RAB11FIP2: variants seen among roughly 807,000 people sequenced by gnomAD.
RAB11FIP2 encodes RAB11 family interacting protein 2, also known as rab11 family-interacting protein 2.
A neutral mutation model predicts 40.9 loss-of-function variants in RAB11FIP2; 16 were observed. The observed-to-expected ratio is 0.39, with a 90% CI of 0.26 to 0.59. The LOEUF is 0.59. RAB11FIP2 is among the 20% of genes least tolerant of loss of function. RAB11FIP2 has a pLI of 0.53. For missense variants in RAB11FIP2, 532 were observed against 606.2 expected (o/e 0.88, Z 1.28); for synonymous variants, 228 against 213.7 (o/e 1.07, Z -0.58).
At chr10:118,024,470 CGTGTGT>C (rs55723398) in intron 3 of RAB11FIP2, among the ~76,000 whole-genome samples, 1,415 of 131,782 alleles carry the variant, frequency 0.011, 12 homozygotes, top group African/African-American at 0.019. Context: ...TCATCATCAT[CGTGTGT>C]GTGTGTGTGT....
intron 3 of RAB11FIP2, among the ~76,000 whole-genome samples, chr10:118,023,372 G>A (rs910097503): frequency 6.6e-6 from 1 of 152,060 alleles, no homozygotes; most frequent in Non-Finnish European, 1.5e-5. Context: ...GCCTTAAGAG[G>A]CAAGACGAAA....
chr10:118,043,082 G>A lies in RAB11FIP2; in HGVS notation c.354-2517C>T, dbSNP rs149541534. On this transcript the variant is annotated intron_variant, in intron 1 of 4. Transcript: ENST00000355624. Reference sequence around the variant, plus strand: ...GGAGTACTGGATTTAAACTGTACATGGCCTCTGTTCAATTTTTAGTGGGCA... The same window carrying A: ...GGAGTACTGGATTTAAACTGTACATAGCCTCTGTTCAATTTTTAGTGGGCA... Among the ~76,000 whole-genome samples, 3 of 152,016 alleles carry A rather than the reference G, an allele frequency of 2.0e-5. No individual in the cohort carries two copies. In the East Asian group the frequency reaches 5.8e-4, roughly 29 times the overall value.
chr10:118,040,464 A>G lies in RAB11FIP2; in HGVS notation c.455T>C (p.Phe152Ser), dbSNP rs779630764. 1 of 1,613,244 alleles carries G rather than the reference A, an allele frequency of 6.2e-7. No individual in the cohort carries two copies. Among genetic ancestry groups the G allele is most frequent in the Admixed American group, 1.7e-5 (1 of 59,962 alleles). Residue 152 changes from phenylalanine (F) to serine (S), a missense_variant, in exon 2 of 5, where the codon TTT becomes TCT. Coordinates refer to ENST00000355624, the MANE Select transcript of RAB11FIP2 (RefSeq NM_014904.3). ...FMRNNMTASM[F>S]DLSMKDKTRS... ...GGTTTTGTCCTTCATTGATAAGTCA[A>G]ACATACTTGCGGTCATATTGTTCCT...
intron 3 of RAB11FIP2, among the ~76,000 whole-genome samples, chr10:118,029,914 TA>T (rs1589644365): frequency 6.6e-6 from 1 of 152,116 alleles, no homozygotes; most frequent in Admixed American, 6.5e-5. Flanking sequence ...GAAGGTAGCA[TA>T]GGGGCATGAC....
chr10:118,020,443 C>G (rs1846270009), intron 3 of RAB11FIP2, among the ~76,000 whole-genome samples: 1 of 152,252 alleles, frequency 6.6e-6, no homozygotes, highest in African/African-American at 2.4e-5. Flanking sequence ...CTGCTCCACT[C>G]TGACCCTCAC....
rs923224506 is a variant in RAB11FIP2, at chr10:118,046,911, T to G, written c.-748A>C. On this transcript the variant is annotated 5_prime_UTR_variant, in exon 1 of 5. Coordinates refer to ENST00000355624, the MANE Select transcript of RAB11FIP2 (RefSeq NM_014904.3). ...GGGCGGCTGCGGCGGCACTTCCGGG[T>G]TGGCCTTCTCCATGTTGGTCTCGGG... 8 of 153,404 alleles carry G rather than the reference T, an allele frequency of 5.2e-5. No individual in the cohort carries two copies. The highest frequency in any genetic ancestry group is 1.9e-4 in the African/African-American group (8 of 41,400). The allele number at this position is 153,404 out of a possible 1,614,324, so 9.5% of individuals were successfully genotyped here.
chr10:118,033,908 C>T (rs1300800846), intron 3 of RAB11FIP2: 1 of 698,958 alleles, frequency 1.4e-6, no homozygotes, highest in Non-Finnish European at 2.6e-6. Context: ...ATCATTTGGA[C>T]AAGGGCCACT....
rs1846624398 is a variant in RAB11FIP2 at position 118,045,885 on chromosome 10, A to G, written c.279T>C (p.Gly93=). The part of the protein sequence containing the change: ...FLIVMHRSLV[G]LDKFLGQVAI... ...CCACCTGCCCTAAAAATTTATCCAG[A>G]CCCACCAGGGACCTGTGCATAACTA... Residue 93 remains glycine (G), a synonymous_variant, in exon 1 of 5, where the codon GGT becomes GGC. Transcript: ENST00000355624. The G allele has an allele frequency of 6.2e-7, 1 of 1,614,054 alleles. No homozygotes were observed. Among genetic ancestry groups the G allele is most frequent in the Non-Finnish European group, 8.5e-7 (1 of 1,180,020 alleles).
At position 118,020,208 on chromosome 10, in the gene RAB11FIP2, C is replaced by CT. The variant is rs147130472; in HGVS notation, c.1266-5099dup. Among the ~76,000 whole-genome samples the CT allele has an allele frequency of 4.9e-3, 743 of 152,250 alleles. 3 individuals carry two copies. Among genetic ancestry groups the CT allele is most frequent in the African/African-American group, 0.017 (690 of 41,536 alleles). The stretch of plus-strand genomic sequence containing the variant: ...GCAGCCCCACTCCACAGTCCAAACT[C>CT]TTTAGTCATAAACTCTGCTTCTTCC... On this transcript the variant is annotated intron_variant, in intron 3 of 4. Coordinates refer to ENST00000355624, the MANE Select transcript of RAB11FIP2 (RefSeq NM_014904.3).
At chr10:118,009,966 C>T (rs191032716) in intron 4 of RAB11FIP2, among the ~76,000 whole-genome samples, 9 of 152,246 alleles carry the variant, frequency 5.9e-5, no homozygotes, top group African/African-American at 2.2e-4. Flanking sequence ...CCCATTTCAT[C>T]TATTTACTTA....
chr10:118,019,751 G>A (rs768084888), intron 3 of RAB11FIP2, among the ~76,000 whole-genome samples: 8 of 151,794 alleles, frequency 5.3e-5, no homozygotes, highest in Non-Finnish European at 8.8e-5. Context: ...GCATGAACCC[G>A]GGAGGCAGAG....
At position 118,005,876 on chromosome 10, in the gene RAB11FIP2, A is replaced by G. The variant is rs962386243; in HGVS notation, c.*3122T>C. ...CAAGAAGAAAACAAGTCTGTCACTA[A>G]TGAGCTTAGTTTTACTTAGGTTTCC... On this transcript the variant is annotated 3_prime_UTR_variant, in exon 5 of 5. Transcript: ENST00000355624. 7.2e-5 allele frequency: 11 copies of G among 152,594 alleles called. No homozygotes were observed. The highest frequency in any genetic ancestry group is 3.3e-4 in the Admixed American group (5 of 15,274). The allele number at this position is 152,594 out of a possible 1,614,324, so 9.5% of individuals were successfully genotyped here.
At chr10:118,038,928 C>A in intron 3 of RAB11FIP2, 44 bp downstream of exon 3, 1 of 1,324,616 alleles carries the variant, frequency 7.5e-7, no homozygotes, top group Non-Finnish European at 1.0e-6. Context: ...CCTTCAAGTA[C>A]AAGATTTTCC....
chr10:118,040,924 T>C (rs1846550587), intron 1 of RAB11FIP2, among the ~76,000 whole-genome samples: 1 of 152,088 alleles, frequency 6.6e-6, no homozygotes. Flanking sequence ...AAGGACATTT[T>C]TTTTTAACAT....
intron 3 of RAB11FIP2, among the ~76,000 whole-genome samples, chr10:118,032,316 T>C (rs1846424325): frequency 6.6e-6 from 1 of 152,102 alleles, no homozygotes; most frequent in South Asian, 2.1e-4. Context: ...AAACAATTCA[T>C]TCATAGATGC....
In RAB11FIP2 at chr10:118,046,076, T is replaced by C. The variant is rs775787361; in HGVS notation, c.88A>G (p.Lys30Glu). The C allele has an allele frequency of 3.1e-6, 5 of 1,614,236 alleles. No homozygotes were observed. Among genetic ancestry groups the C allele is most frequent in the Non-Finnish European group, 4.2e-6 (5 of 1,180,052 alleles). Residue 30 changes from lysine (K) to glutamate (E), a missense_variant, in exon 1 of 5, where the codon AAA becomes GAA. By Grantham distance (56) the Lys-to-Glu change is moderately conservative. Transcript: ENST00000355624. ...GTGTATGTGTCATTGGTACCACTTT[T>C]GCCTTTTGGCTTCAGATCTTTGGCT... ...LQAKDLKPKG[K>E]SGTNDTYTII... is the part of the protein sequence containing the mutation.
At chr10:118,018,515 T>C (rs1427854569) in intron 3 of RAB11FIP2, among the ~76,000 whole-genome samples, 1 of 152,250 alleles carries the variant, frequency 6.6e-6, no homozygotes, top group Non-Finnish European at 1.5e-5. Context: ...TTTAAATTAG[T>C]ATTTTAAAAG....
chr10:118,025,197 G>A (rs558676208), intron 3 of RAB11FIP2, among the ~76,000 whole-genome samples: 1 of 152,188 alleles, frequency 6.6e-6, no homozygotes, highest in African/African-American at 2.4e-5. Context: ...AAATTTCCAG[G>A]GCCATCCCCC....
At chr10:118,041,825 T>C (rs1457904775) in intron 1 of RAB11FIP2, among the ~76,000 whole-genome samples, 1 of 152,186 alleles carries the variant, frequency 6.6e-6, no homozygotes, top group Non-Finnish European at 1.5e-5. Context: ...AAATTGGAGC[T>C]ATTCAATCAA....
Sources: gnomAD v4.1 joint callset for allele counts (sites outside exome capture counted in the v4.1 genomes callset) on GRCh38, gnomAD v4.1.1 for gene constraint, MANE v1.5 for transcripts, NCBI Gene and HGNC (gene_info 2026-07-23, HGNC 2026-07-21) for gene names.